The following ADAM12 variants were observed in gnomAD, a reference collection of about 807,000 sequenced individuals.
The protein encoded by ADAM12 is disintegrin and metalloproteinase domain-containing protein 12.
ADAM12 carries 70 observed loss-of-function variants against 106.4 expected under a neutral mutation model. The ratio of observed to expected loss-of-function variants is 0.66; its 90% CI spans 0.54 to 0.80. ADAM12 has a LOEUF of 0.80. Ranked by LOEUF, ADAM12 falls within the 30% of genes least tolerant of loss-of-function variation. The pLI is 0.00. For missense variants in ADAM12, 1,010 were observed against 1,171.9 expected, an observed-to-expected ratio of 0.86 and a Z score of 2.02; for synonymous variants, 420 against 433.5, an observed-to-expected ratio of 0.97 and a Z score of 0.39.
At chr10:126,222,396 G>A (rs1379841246) in intron 3 of ADAM12, among the ~76,000 whole-genome samples, 1 of 151,844 alleles carries the variant, frequency 6.6e-6, no homozygotes, top group Non-Finnish European at 1.5e-5. Flanking sequence ...CTCTCTGTGA[G>A]TCAGTTTTCT....
intron 3 of ADAM12, among the ~76,000 whole-genome samples, chr10:126,202,052 C>G (rs1487097399): frequency 1.3e-5 from 2 of 152,140 alleles, no homozygotes; most frequent in African/African-American, 4.8e-5. Flanking sequence ...AGCACCAGTG[C>G]CAGGCCTCCT....
chr10:126,028,321 A>T (rs1283754504), intron 21 of ADAM12, among the ~76,000 whole-genome samples: 1 of 152,184 alleles, frequency 6.6e-6, no homozygotes, highest in Non-Finnish European at 1.5e-5. Flanking sequence ...AAAACTAAAA[A>T]TTCATATGGA....
At chr10:126,221,491 C>T (rs1457745665) in intron 3 of ADAM12, among the ~76,000 whole-genome samples, 1 of 151,694 alleles carries the variant, frequency 6.6e-6, no homozygotes, top group Non-Finnish European at 1.5e-5. Flanking sequence ...AAAAGATAAA[C>T]TAACAATTAT....
chr10:126,030,216 T>G (rs541837075), intron 21 of ADAM12, among the ~76,000 whole-genome samples: 8 of 152,288 alleles, frequency 5.3e-5, no homozygotes, highest in African/African-American at 1.9e-4. Context: ...AACAAGGATG[T>G]AAGATGAGTG....
intron 4 of ADAM12, among the ~76,000 whole-genome samples, chr10:126,146,041 G>T (rs1956621307): frequency 6.6e-6 from 1 of 152,202 alleles, no homozygotes; most frequent in South Asian, 2.1e-4. Flanking sequence ...GGCCGGTGCG[G>T]GGTCTGGATT....
At chr10:126,142,694 A>G (rs972918372) in intron 4 of ADAM12, among the ~76,000 whole-genome samples, 2 of 152,208 alleles carry the variant, frequency 1.3e-5, no homozygotes, top group South Asian at 2.1e-4. Context: ...AAATCCATAC[A>G]TGGGCGGAAT....
intron 1 of ADAM12, among the ~76,000 whole-genome samples, chr10:126,361,535 A>G (rs1232483909): frequency 6.6e-6 from 1 of 152,242 alleles, no homozygotes; most frequent in East Asian, 1.9e-4. Flanking sequence ...ATTTCAAACT[A>G]TACTACAAAG....
In ADAM12 at chr10:126,374,093, G is replaced by A. The variant is rs545989910; in HGVS notation, c.88+13965C>T. ...GATCTGGTGAGGGTTAGGGAGTTTC[G>A]CAAGAGAAATAGAAACTTCAAGCCT... On this transcript the variant is annotated intron_variant, in intron 1 of 22. Transcript: ENST00000448723. Among the ~76,000 whole-genome samples, 141 of 152,232 alleles carry A rather than the reference G, an allele frequency of 9.3e-4. 2 individuals are homozygous for A. The highest frequency in any genetic ancestry group is 9.4e-4 in the Non-Finnish European group (64 of 68,040).
intron 5 of ADAM12, among the ~76,000 whole-genome samples, chr10:126,120,090 G>A (rs1280372672): frequency 6.6e-6 from 1 of 152,106 alleles, no homozygotes; most frequent in Non-Finnish European, 1.5e-5. Context: ...GACTGGAAAT[G>A]GACCCTTCTA....
At chr10:126,150,002 A>G (rs1344301052) in intron 4 of ADAM12, among the ~76,000 whole-genome samples, 1 of 152,196 alleles carries the variant, frequency 6.6e-6, no homozygotes, top group African/African-American at 2.4e-5. Context: ...GATGCCTAAG[A>G]AAAAGAAAAC....
chr10:126,137,415 T>G (rs765991295), intron 4 of ADAM12, among the ~76,000 whole-genome samples: 11 of 152,242 alleles, frequency 7.2e-5, no homozygotes, highest in Non-Finnish European at 1.5e-4. Flanking sequence ...AACTCACCTT[T>G]TAAAAGCATA....
chr10:126,209,984 A>C (rs1957869782), intron 3 of ADAM12, among the ~76,000 whole-genome samples: 1 of 152,214 alleles, frequency 6.6e-6, no homozygotes, highest in South Asian at 2.1e-4. Context: ...TCATTTTATT[A>C]ATGCAGACTC....
intron 5 of ADAM12, among the ~76,000 whole-genome samples, chr10:126,128,983 A>G (rs1956258040): frequency 6.6e-6 from 1 of 152,208 alleles, no homozygotes; most frequent in Admixed American, 6.5e-5. Context: ...GAGTGTGAGG[A>G]CACCTCGTGC....
chr10:126,037,516 A>G (rs1590317230), intron 20 of ADAM12, among the ~76,000 whole-genome samples: 1 of 152,216 alleles, frequency 6.6e-6, no homozygotes, highest in South Asian at 2.1e-4. Flanking sequence ...TGATTTTTCA[A>G]TCACTTATTT....
At chr10:126,019,553 T>A in intron 22 of ADAM12, 142 bp downstream of exon 22, 1 of 1,105,300 alleles carries the variant, frequency 9.0e-7, no homozygotes. Context: ...AATTGTCATG[T>A]CTATTTTACG....
At chr10:126,137,798 G>C (rs1352228126) in intron 4 of ADAM12, among the ~76,000 whole-genome samples, 1 of 152,208 alleles carries the variant, frequency 6.6e-6, no homozygotes, top group Non-Finnish European at 1.5e-5. Flanking sequence ...GAGCACATGA[G>C]TTGTTTCTAC....
At chr10:126,266,195 T>C (rs1484571049) in intron 3 of ADAM12, among the ~76,000 whole-genome samples, 5 of 152,180 alleles carry the variant, frequency 3.3e-5, no homozygotes. Context: ...GCACTGCACC[T>C]CCTGGCCCAC....
intron 8 of ADAM12, among the ~76,000 whole-genome samples, chr10:126,106,879 A>G (rs985069992): frequency 6.6e-6 from 1 of 152,028 alleles, no homozygotes; most frequent in East Asian, 1.9e-4. Flanking sequence ...TTTTTCTACT[A>G]TCATGTGTGT....
chr10:126,265,941 GATAGTACT>G (rs2133721714), intron 3 of ADAM12, among the ~76,000 whole-genome samples: 1 of 152,276 alleles, frequency 6.6e-6, no homozygotes, highest in Admixed American at 6.5e-5. Flanking sequence ...CTGGACATTT[GATAGTACT>G]ATAAAATTTT....
Sources: gnomAD v4.1 joint callset for allele counts (sites outside exome capture counted in the v4.1 genomes callset) on GRCh38, gnomAD v4.1.1 for gene constraint, MANE v1.5 for transcripts, NCBI Gene and HGNC (gene_info 2026-07-23, HGNC 2026-07-21) for gene names.